NXPE2: variants seen among roughly 807,000 people sequenced by gnomAD.
NXPE2 encodes the protein NXPE family member 2.
Under a neutral mutation model 34.4 loss-of-function variants are expected in NXPE2, and 34 were observed. The ratio of observed to expected loss-of-function variants is 0.99; its 90% CI spans 0.75 to 1.31. The LOEUF (loss-of-function observed/expected upper bound fraction) is 1.31, where lower values mean the gene tolerates loss of function less well. Among genes scored for constraint, NXPE2 ranks in the 40% most tolerant of loss-of-function variants. The probability of loss-of-function intolerance (pLI) is 0.00; values close to 1 mark genes in which losing one functional copy is unlikely to be tolerated. For missense variants in NXPE2, 649 were observed against 672.5 expected, an observed-to-expected ratio of 0.97 and a Z score of 0.39; for synonymous variants, 235 against 231.3, an observed-to-expected ratio of 1.02 and a Z score of -0.15.
the NXPE2 span, among the ~76,000 whole-genome samples, chr11:114,717,006 T>C: frequency 6.6e-6 from 1 of 152,192 alleles, no homozygotes; most frequent in African/African-American, 2.4e-5. Context: ...TAAAAATCTT[T>C]TTAAAGATTT....
the NXPE2 span, among the ~76,000 whole-genome samples, chr11:114,798,207 G>A: frequency 2.0e-5 from 3 of 152,168 alleles, no homozygotes. Flanking sequence ...TTAGCTCTGA[G>A]ATTTTTAATG....
At chr11:114,596,263 T>C in the NXPE2 span, among the ~76,000 whole-genome samples, 6 of 152,158 alleles carry the variant, frequency 3.9e-5, no homozygotes, top group Admixed American at 2.6e-4. Flanking sequence ...GAGTGACAGC[T>C]TGTAGTCATG....
the NXPE2 span, among the ~76,000 whole-genome samples, chr11:114,578,184 C>T: frequency 6.6e-6 from 1 of 152,110 alleles, no homozygotes; most frequent in Non-Finnish European, 1.5e-5. Context: ...GAAGACTTAA[C>T]CCAGTGAGGC....
Position 114,707,041 on chromosome 11 carries a change from T to A in NXPE2, c.*111T>A, listed in dbSNP as rs1951492506. ...GAGGAAACTAAATTTGAAAAAGTTCTATTAAAGTTAAATATATGTAACATA... is the reference window on the plus strand; with the variant it reads ...GAGGAAACTAAATTTGAAAAAGTTCAATTAAAGTTAAATATATGTAACATA... On this transcript the variant is annotated 3_prime_UTR_variant, in exon 6 of 6. Transcript: ENST00000389586. 1 of 779,908 alleles carries A rather than the reference T, an allele frequency of 1.3e-6. No individual in the cohort carries two copies. The highest frequency in any genetic ancestry group is 2.0e-6 in the Non-Finnish European group (1 of 502,352). The allele number at this position is 779,908 out of a possible 1,614,324, so 48.3% of individuals were successfully genotyped here. A position where few individuals can be genotyped will look rare whatever the true frequency, so the allele number is the denominator to read the frequency against.
chr11:114,731,990 G>A, the NXPE2 span, among the ~76,000 whole-genome samples: 5 of 152,010 alleles, frequency 3.3e-5, no homozygotes, highest in Non-Finnish European at 7.4e-5. Flanking sequence ...TCTCGTCTTG[G>A]GATTTCTGTG....
At chr11:114,571,256 G>A in the NXPE2 span, 6 of 1,614,048 alleles carry the variant, frequency 3.7e-6, no homozygotes, top group Non-Finnish European at 5.1e-6. Flanking sequence ...GAAAGGGTCT[G>A]AAATGCTGGC....
chr11:114,649,694 G>A, the NXPE2 span, among the ~76,000 whole-genome samples: 1 of 152,190 alleles, frequency 6.6e-6, no homozygotes, highest in Non-Finnish European at 1.5e-5. Flanking sequence ...GTAACAGGTA[G>A]TAGGAGGAAA....
the NXPE2 span, among the ~76,000 whole-genome samples, chr11:114,608,164 GATA>G: frequency 6.6e-6 from 1 of 151,764 alleles, no homozygotes; most frequent in East Asian, 1.9e-4. Context: ...TTACCCTGTG[GATA>G]ATAAGTATTG....
the NXPE2 span, among the ~76,000 whole-genome samples, chr11:114,806,990 C>A: frequency 6.6e-6 from 1 of 152,144 alleles, no homozygotes; most frequent in African/African-American, 2.4e-5. Flanking sequence ...AACAGCTGAT[C>A]TCTCGCCAGA....
At chr11:114,486,888 G>A in the NXPE2 span, among the ~76,000 whole-genome samples, 1 of 152,078 alleles carries the variant, frequency 6.6e-6, no homozygotes, top group Non-Finnish European at 1.5e-5. Context: ...ATGCTGTCTT[G>A]TTTACAATAC....
At chr11:114,661,532 C>T in the NXPE2 span, among the ~76,000 whole-genome samples, 2 of 152,182 alleles carry the variant, frequency 1.3e-5, no homozygotes, top group African/African-American at 4.8e-5. Flanking sequence ...AAGTACTCTC[C>T]TCTGAGTTTT....
chr11:114,725,654 C>T, the NXPE2 span, among the ~76,000 whole-genome samples: 1 of 151,970 alleles, frequency 6.6e-6, no homozygotes, highest in African/African-American at 2.4e-5. Flanking sequence ...GGTTGAGATC[C>T]TTGATATCTA....
At chr11:114,751,380 T>A in the NXPE2 span, among the ~76,000 whole-genome samples, 435 of 152,326 alleles carry the variant, frequency 2.9e-3, no homozygotes, top group African/African-American at 0.01. Flanking sequence ...TTTACACTAA[T>A]TCAACAGACA....
At chr11:114,728,286 G>A in the NXPE2 span, among the ~76,000 whole-genome samples, 3 of 152,056 alleles carry the variant, frequency 2.0e-5, no homozygotes, top group Non-Finnish European at 4.4e-5. Flanking sequence ...ACAAAGGGTA[G>A]CATATTTACA....
the NXPE2 span, chr11:114,527,874 C>A: frequency 6.2e-7 from 1 of 1,605,376 alleles, no homozygotes; most frequent in South Asian, 1.1e-5. Flanking sequence ...GTTTACGATC[C>A]TTCATCATTT....
the NXPE2 span, among the ~76,000 whole-genome samples, chr11:114,501,194 T>C: frequency 6.6e-6 from 1 of 152,192 alleles, no homozygotes; most frequent in South Asian, 2.1e-4. Flanking sequence ...TTTAAAACAA[T>C]GCAGATTTTG....
chr11:114,630,426 T>G, the NXPE2 span, among the ~76,000 whole-genome samples: 12 of 151,666 alleles, frequency 7.9e-5, no homozygotes, highest in Non-Finnish European at 1.3e-4. Context: ...ATGGGGAAAG[T>G]ATTCCCTATT....
the NXPE2 span, among the ~76,000 whole-genome samples, chr11:114,511,031 TA>T: frequency 6.6e-6 from 1 of 152,152 alleles, no homozygotes; most frequent in Admixed American, 6.5e-5. Context: ...AATCTTCTAC[TA>T]CCAACCTAGG....
intron 2 of NXPE2, among the ~76,000 whole-genome samples, chr11:114,696,996 C>A (rs891896751): frequency 2.6e-5 from 4 of 152,034 alleles, no homozygotes; most frequent in Non-Finnish European, 2.9e-5. Flanking sequence ...TAAAATAGAA[C>A]AATTATAACA....
Sources: gnomAD v4.1 joint callset for allele counts (sites outside exome capture counted in the v4.1 genomes callset) on GRCh38, gnomAD v4.1.1 for gene constraint, MANE v1.5 for transcripts, NCBI Gene and HGNC (gene_info 2026-07-23, HGNC 2026-07-21) for gene names.